The following LRMDA variants were observed in gnomAD, a reference collection of about 807,000 sequenced individuals.
LRMDA encodes leucine-rich melanocyte differentiation-associated protein.
In LRMDA, 18 loss-of-function variants were observed where a neutral mutation model predicts 29.8. The observed-to-expected ratio is 0.60, with a 90% confidence interval of 0.42 to 0.90. The LOEUF (loss-of-function observed/expected upper bound fraction) is 0.90. Among genes scored for constraint, LRMDA ranks in the 40% least tolerant of loss-of-function variants. LRMDA has a pLI of 0.00. For synonymous variants in LRMDA, 125 were observed against 109.4 expected (o/e 1.14, Z -0.89); for missense variants, 273 against 273.9 (o/e 1.00, Z 0.02).
chr10:76,489,589 T>G (rs1377649258), intron 6 of LRMDA, among the ~76,000 whole-genome samples: 4 of 151,942 alleles, frequency 2.6e-5, no homozygotes. Flanking sequence ...CTAGCTTCTT[T>G]AAGACGCATC....
intron 2 of LRMDA, among the ~76,000 whole-genome samples, chr10:75,862,873 TC>T (rs1452254042): frequency 6.6e-6 from 1 of 152,130 alleles, no homozygotes; most frequent in Non-Finnish European, 1.5e-5. Flanking sequence ...TAGAGGGCAG[TC>T]CATTTCTTAC....
intron 2 of LRMDA, among the ~76,000 whole-genome samples, chr10:75,728,664 T>C (rs1019823131): frequency 5.3e-5 from 8 of 151,976 alleles, no homozygotes; most frequent in African/African-American, 1.9e-4. Flanking sequence ...GAGGAGGCAA[T>C]GTGATGGGAA....
At chr10:75,975,698 G>T (rs1166487184) in intron 2 of LRMDA, among the ~76,000 whole-genome samples, 2 of 152,118 alleles carry the variant, frequency 1.3e-5, no homozygotes, top group Non-Finnish European at 2.9e-5. Context: ...GTGTGTATTA[G>T]GCTGCTGTGA....
intron 6 of LRMDA, among the ~76,000 whole-genome samples, chr10:76,472,895 C>CA (rs1842632076): frequency 6.6e-6 from 1 of 151,160 alleles, no homozygotes; most frequent in African/African-American, 2.4e-5. Flanking sequence ...CAACCGTCTA[C>CA]AAAAAAAGAC....
intron 6 of LRMDA, among the ~76,000 whole-genome samples, chr10:76,394,082 G>A (rs892090711): frequency 3.3e-5 from 5 of 152,156 alleles, no homozygotes; most frequent in African/African-American, 1.2e-4. Context: ...CTTCACACTT[G>A]CCATTAATAG....
At chr10:76,052,365 C>T (rs1007108135) in intron 4 of LRMDA, among the ~76,000 whole-genome samples, 7 of 152,180 alleles carry the variant, frequency 4.6e-5, no homozygotes, top group Non-Finnish European at 8.8e-5. Context: ...CAACCCCATT[C>T]GCAGACCGTG....
chr10:76,446,271 T>C (rs1248502087), intron 6 of LRMDA, among the ~76,000 whole-genome samples: 1 of 152,210 alleles, frequency 6.6e-6, no homozygotes, highest in Non-Finnish European at 1.5e-5. Context: ...TGCAGCTTAT[T>C]TATTCATTCC....
intron 5 of LRMDA, among the ~76,000 whole-genome samples, chr10:76,138,273 C>G (rs1020340707): frequency 1.3e-5 from 2 of 152,244 alleles, no homozygotes; most frequent in Middle Eastern, 6.8e-3. Context: ...CCGGAGCTGA[C>G]AGCTGCCATA....
At chr10:75,871,567 C>T (rs1845111578) in intron 2 of LRMDA, among the ~76,000 whole-genome samples, 2 of 152,066 alleles carry the variant, frequency 1.3e-5, no homozygotes, top group African/African-American at 4.8e-5. Flanking sequence ...TTGGATTTTC[C>T]TCCTCCCCTC....
At chr10:76,013,689 G>A (rs79381180) in intron 2 of LRMDA, among the ~76,000 whole-genome samples, 2,393 of 152,110 alleles carry the variant, frequency 0.016, 63 homozygotes, top group African/African-American at 0.055. Flanking sequence ...GGGGAAGGCC[G>A]AGGAAGAGTG....
chr10:76,311,574 G>A (rs979020751), intron 5 of LRMDA, among the ~76,000 whole-genome samples: 1 of 152,066 alleles, frequency 6.6e-6, no homozygotes, highest in Admixed American at 6.6e-5. Flanking sequence ...CCATAAAATT[G>A]GCAGTAAATA....
At chr10:76,340,667 T>C (rs1159073777) in intron 6 of LRMDA, among the ~76,000 whole-genome samples, 1 of 151,824 alleles carries the variant, frequency 6.6e-6, no homozygotes, top group Non-Finnish European at 1.5e-5. Flanking sequence ...GCAACCTGCA[T>C]ATGAAAGAGG....
In LRMDA at chr10:76,132,466, C is replaced by T. The variant is rs185462433; in HGVS notation, c.516+73683C>T. Among the ~76,000 whole-genome samples, 10 of 152,190 alleles carry T rather than the reference C, an allele frequency of 6.6e-5. No individual in the cohort carries two copies. The East Asian group carries it at 7.7e-4, about 12-fold the overall frequency. On this transcript the variant is annotated intron_variant, in intron 5 of 6. Coordinates refer to ENST00000611255, the MANE Select transcript of LRMDA (RefSeq NM_001305581.2). ...CATTTTTTATTACATCATATTCATA[C>T]GAATGACCCTAAGGCACAGCAAGAT...
At chr10:75,582,920 A>G (rs926644421) in intron 2 of LRMDA, among the ~76,000 whole-genome samples, 10 of 152,172 alleles carry the variant, frequency 6.6e-5, no homozygotes, top group Admixed American at 2.0e-4. Flanking sequence ...ATCACTCTCA[A>G]CATCCTTAGG....
intron 2 of LRMDA, chr10:75,783,156 T>G (rs1362268902): frequency 1.7e-6 from 2 of 1,168,468 alleles, no homozygotes; most frequent in Non-Finnish European, 2.5e-6. Context: ...AATCATTTTC[T>G]TTTAACATTG....
intron 2 of LRMDA, among the ~76,000 whole-genome samples, chr10:75,972,373 C>G (rs992077141): frequency 6.6e-6 from 1 of 151,654 alleles, no homozygotes; most frequent in African/African-American, 2.4e-5. Context: ...TATGGTGTCC[C>G]AAGGAAAAAA....
At chr10:76,423,017 C>T (rs996021360) in intron 6 of LRMDA, among the ~76,000 whole-genome samples, 1 of 152,186 alleles carries the variant, frequency 6.6e-6, no homozygotes, top group African/African-American at 2.4e-5. Context: ...CCTATTTTAT[C>T]TAATAATGGT....
chr10:75,782,217 G>A (rs913136927), intron 2 of LRMDA, among the ~76,000 whole-genome samples: 12 of 152,030 alleles, frequency 7.9e-5, no homozygotes, highest in African/African-American at 2.9e-4. Context: ...TTCCTTTAAG[G>A]TAATATTTTG....
At chr10:76,152,056 G>A (rs1256042918) in intron 5 of LRMDA, among the ~76,000 whole-genome samples, 1 of 152,124 alleles carries the variant, frequency 6.6e-6, no homozygotes, top group Admixed American at 6.6e-5. Context: ...TCGTTTTTAA[G>A]TATCCAATTC....
Sources: gnomAD v4.1 joint callset for allele counts (sites outside exome capture counted in the v4.1 genomes callset) on GRCh38, gnomAD v4.1.1 for gene constraint, MANE v1.5 for transcripts, NCBI Gene and HGNC (gene_info 2026-07-23, HGNC 2026-07-21) for gene names.